Variants in SLC44A5 observed in about 807,000 individuals in gnomAD.
SLC44A5 encodes the protein choline transporter-like protein 5.
In SLC44A5, 57 loss-of-function variants were observed where a neutral mutation model predicts 101.8. That is an observed-to-expected ratio of 0.56 (90% CI 0.45 to 0.70). The LOEUF (loss-of-function observed/expected upper bound fraction) is 0.70, where lower values mean the gene tolerates loss of function less well. Among genes scored for constraint, SLC44A5 ranks in the 30% least tolerant of loss-of-function variants. The pLI, the probability that SLC44A5 is intolerant of heterozygous loss-of-function variation, is 0.00. For missense variants in SLC44A5, 737 were observed against 853.1 expected, an observed-to-expected ratio of 0.86 and a Z score of 1.70; for synonymous variants, 281 against 290.9, an observed-to-expected ratio of 0.97 and a Z score of 0.35.
rs17096820 is a variant in SLC44A5, at chr1:75,411,124, C to T, written c.14-14503G>A. The stretch of plus-strand genomic sequence containing the variant: ...TATTTTTCAATGCTAGAAACATAGT[C>T]GATGTCCGAGTTTTATCTAGGTCCT... On this transcript the variant is annotated intron_variant, in intron 2 of 23. Transcript: ENST00000370859. Among the ~76,000 whole-genome samples, 49 of 152,176 alleles carry T rather than the reference C, an allele frequency of 3.2e-4. 3 individuals carry two copies. In the East Asian group the frequency reaches 9.3e-3, roughly 29 times the overall value.
At chr1:75,683,269 G>A in the SLC44A5 span, among the ~76,000 whole-genome samples, 1 of 152,030 alleles carries the variant, frequency 6.6e-6, no homozygotes, top group Non-Finnish European at 1.5e-5. Flanking sequence ...TATACCCAAA[G>A]GACTATAAAT....
chr1:75,612,510 C>G (rs1399121595), upstream of SLC44A5, among the ~76,000 whole-genome samples: 1 of 152,184 alleles, frequency 6.6e-6, no homozygotes, highest in African/African-American at 2.4e-5. Context: ...TGCCACCTTT[C>G]CAGACAATCT....
At chr1:75,304,215 G>A (rs1317367781) in intron 4 of SLC44A5, among the ~76,000 whole-genome samples, 1 of 152,030 alleles carries the variant, frequency 6.6e-6, no homozygotes, top group Non-Finnish European at 1.5e-5. Context: ...AATCTCCCCA[G>A]TAGTAGACAT....
intron 2 of SLC44A5, 102 bp from the exon 3 acceptor site, chr1:75,396,723 C>T (rs1297799593): frequency 1.1e-6 from 1 of 887,686 alleles, no homozygotes; most frequent in Non-Finnish European, 1.9e-6. Flanking sequence ...AGTCTTTAGA[C>T]TAACACACAA....
intron 2 of SLC44A5, among the ~76,000 whole-genome samples, chr1:75,498,554 A>G (rs1054045308): frequency 2.0e-5 from 3 of 152,164 alleles, no homozygotes; most frequent in African/African-American, 7.2e-5. Flanking sequence ...TGATTATAAC[A>G]TCTGCATGCT....
chr1:75,405,128 A>G (rs559840560), intron 2 of SLC44A5, among the ~76,000 whole-genome samples: 1 of 152,350 alleles, frequency 6.6e-6, no homozygotes, highest in South Asian at 2.1e-4. Context: ...AAAGGGATCA[A>G]TGCAACAAGA....
the SLC44A5 span, among the ~76,000 whole-genome samples, chr1:75,701,622 C>G: frequency 6.6e-6 from 1 of 152,208 alleles, no homozygotes; most frequent in Non-Finnish European, 1.5e-5. Flanking sequence ...TCTCTCACCA[C>G]TCCTGTTCAA....
intron 1 of SLC44A5, among the ~76,000 whole-genome samples, chr1:75,586,909 T>A (rs1674036643): frequency 1.3e-5 from 2 of 149,800 alleles, no homozygotes; most frequent in African/African-American, 5.0e-5. Flanking sequence ...GTTTTGTGAT[T>A]TTTTTTTTAA....
intron 2 of SLC44A5, among the ~76,000 whole-genome samples, chr1:75,456,818 C>T (rs1214936490): frequency 3.3e-5 from 5 of 152,216 alleles, no homozygotes; most frequent in Non-Finnish European, 7.4e-5. Flanking sequence ...TGTGGCTTCA[C>T]ACTCCCAAGA....
At chr1:75,634,112 A>G in the SLC44A5 span, among the ~76,000 whole-genome samples, 1 of 152,168 alleles carries the variant, frequency 6.6e-6, no homozygotes, top group Admixed American at 6.5e-5. Context: ...GTGCTGCTGG[A>G]TTCGCTTTGC....
At chr1:75,702,521 A>T in the SLC44A5 span, among the ~76,000 whole-genome samples, 1 of 152,178 alleles carries the variant, frequency 6.6e-6, no homozygotes. Context: ...AGATGGATTA[A>T]AGACTTAAAT....
At chr1:75,326,366 C>A (rs990576789) in intron 4 of SLC44A5, among the ~76,000 whole-genome samples, 3 of 151,222 alleles carry the variant, frequency 2.0e-5, no homozygotes, top group African/African-American at 7.3e-5. Flanking sequence ...TACATTAAAT[C>A]TTATCTTTAA....
chr1:75,265,474 A>G (rs1650909331), intron 6 of SLC44A5, among the ~76,000 whole-genome samples: 1 of 152,128 alleles, frequency 6.6e-6, no homozygotes, highest in Admixed American at 6.6e-5. Context: ...AATTAGATAG[A>G]AGGAATACAT....
At chr1:75,501,781 T>C (rs1461515535) in intron 2 of SLC44A5, among the ~76,000 whole-genome samples, 9 of 152,192 alleles carry the variant, frequency 5.9e-5, no homozygotes, top group African/African-American at 1.9e-4. Flanking sequence ...ATCTGATGAA[T>C]TGTTATCTGA....
At chr1:75,288,501 T>C (rs969236954) in intron 5 of SLC44A5, among the ~76,000 whole-genome samples, 4 of 152,208 alleles carry the variant, frequency 2.6e-5, no homozygotes, top group African/African-American at 9.7e-5. Context: ...TAGGCACACA[T>C]AAACTCTGAA....
chr1:75,244,709 C>T (rs761078913), intron 7 of SLC44A5, among the ~76,000 whole-genome samples: 3 of 152,010 alleles, frequency 2.0e-5, no homozygotes, highest in Non-Finnish European at 2.9e-5. Context: ...TGCTACTTCA[C>T]GAAGCCACCA....
intron 2 of SLC44A5, among the ~76,000 whole-genome samples, chr1:75,514,025 T>G (rs1284003366): frequency 3.3e-5 from 5 of 152,104 alleles, no homozygotes; most frequent in African/African-American, 1.2e-4. Flanking sequence ...AATTTTTTTT[T>G]GTAGAGCTGG....
At chr1:75,222,959 G>A (rs1048279188) in intron 13 of SLC44A5, among the ~76,000 whole-genome samples, 4 of 152,082 alleles carry the variant, frequency 2.6e-5, no homozygotes, top group Admixed American at 6.6e-5. Context: ...TGATGGAATC[G>A]GGGTGTAAAC....
At chr1:75,388,403 A>C (rs1440349169) in intron 3 of SLC44A5, among the ~76,000 whole-genome samples, 1 of 150,000 alleles carries the variant, frequency 6.7e-6, no homozygotes, top group African/African-American at 2.5e-5. Context: ...ATAACTACAC[A>C]ATTGAGACTA....
Sources: gnomAD v4.1 joint callset for allele counts (sites outside exome capture counted in the v4.1 genomes callset) on GRCh38, gnomAD v4.1.1 for gene constraint, MANE v1.5 for transcripts, NCBI Gene and HGNC (gene_info 2026-07-23, HGNC 2026-07-21) for gene names.